MYO3B: variants seen among roughly 807,000 people sequenced by gnomAD.
The protein encoded by MYO3B is myosin-IIIb.
MYO3B carries 156 observed loss-of-function variants against 174.6 expected under a neutral mutation model. The ratio of observed to expected loss-of-function variants is 0.89; its 90% CI spans 0.78 to 1.02. MYO3B has a LOEUF of 1.02. Among genes scored for constraint, MYO3B ranks in the 50% least tolerant of loss-of-function variants. MYO3B has a pLI of 0.00. For missense variants in MYO3B, 1,632 were observed against 1,639.4 expected, an observed-to-expected ratio of 1.00 and a Z score of 0.08; for synonymous variants, 563 against 569.1, an observed-to-expected ratio of 0.99 and a Z score of 0.15.
At chr2:170,366,793 G>A (rs1350672684) in intron 8 of MYO3B, among the ~76,000 whole-genome samples, 1 of 152,122 alleles carries the variant, frequency 6.6e-6, no homozygotes, top group African/African-American at 2.4e-5. Flanking sequence ...CGACCGTGTT[G>A]GAAGCCTTGC....
intron 32 of MYO3B, among the ~76,000 whole-genome samples, chr2:170,549,089 A>C (rs1690718315): frequency 6.6e-6 from 1 of 152,176 alleles, no homozygotes; most frequent in Admixed American, 6.6e-5. Flanking sequence ...TGTATGTAGT[A>C]CCTATATTAG....
At chr2:170,460,315 C>T (rs1684200747) in intron 23 of MYO3B, among the ~76,000 whole-genome samples, 1 of 151,956 alleles carries the variant, frequency 6.6e-6, no homozygotes, top group Non-Finnish European at 1.5e-5. Context: ...TGGTGAAACC[C>T]TGTCTCTACT....
intron 32 of MYO3B, among the ~76,000 whole-genome samples, chr2:170,628,376 G>A (rs1696646685): frequency 6.6e-6 from 1 of 152,226 alleles, no homozygotes; most frequent in African/African-American, 2.4e-5. Context: ...CTGGTGTGCT[G>A]TTTGCTAAGA....
chr2:170,439,360 A>G (rs981283356), intron 22 of MYO3B, among the ~76,000 whole-genome samples: 1 of 151,738 alleles, frequency 6.6e-6, no homozygotes, highest in Non-Finnish European at 1.5e-5. Flanking sequence ...TGACAAAGAA[A>G]GACTCCATCT....
chr2:170,567,015 C>A (rs75540849), intron 32 of MYO3B, among the ~76,000 whole-genome samples: 2,168 of 152,164 alleles, frequency 0.014, 56 homozygotes, highest in East Asian at 0.088. Flanking sequence ...GTATTTTAAA[C>A]TGAGACACTT....
chr2:170,599,136 A>G (rs906805337), intron 32 of MYO3B, among the ~76,000 whole-genome samples: 1 of 151,838 alleles, frequency 6.6e-6, no homozygotes, highest in Non-Finnish European at 1.5e-5. Context: ...TCTTCATTTC[A>G]CCCTACAAGA....
intron 32 of MYO3B, among the ~76,000 whole-genome samples, chr2:170,650,560 G>A (rs1698923043): frequency 6.6e-6 from 1 of 151,192 alleles, no homozygotes; most frequent in Non-Finnish European, 1.5e-5. Flanking sequence ...AGGTGTGTGT[G>A]TCTGTGTGTG....
chr2:170,238,763 T>G (rs1246543516), intron 7 of MYO3B, among the ~76,000 whole-genome samples: 1 of 152,186 alleles, frequency 6.6e-6, no homozygotes, highest in East Asian at 1.9e-4. Flanking sequence ...ATAAAACAGG[T>G]AATTAGGAAG....
intron 23 of MYO3B, among the ~76,000 whole-genome samples, chr2:170,452,660 T>C (rs191446541): frequency 1.1e-3 from 175 of 152,284 alleles, no homozygotes; most frequent in African/African-American, 4.2e-3. Context: ...CCCAGTGAAA[T>C]TAATAAGTTT....
intron 32 of MYO3B, among the ~76,000 whole-genome samples, chr2:170,635,841 A>G (rs899192459): frequency 1.3e-5 from 2 of 152,204 alleles, no homozygotes; most frequent in Non-Finnish European, 2.9e-5. Flanking sequence ...GAATTTAATC[A>G]ATAATGTAAA....
At chr2:170,498,748 G>A in intron 26 of MYO3B, 45 bp downstream of exon 26, 5 of 1,315,240 alleles carry the variant, frequency 3.8e-6, no homozygotes, top group Non-Finnish European at 5.5e-6. Flanking sequence ...TGATTTCTTT[G>A]TCTCTTGTCA....
intron 9 of MYO3B, among the ~76,000 whole-genome samples, chr2:170,370,838 T>A (rs2094237058): frequency 6.6e-6 from 1 of 152,194 alleles, no homozygotes; most frequent in Admixed American, 6.5e-5. Flanking sequence ...TTTGCCAAGC[T>A]ATCTGGATTT....
intron 32 of MYO3B, among the ~76,000 whole-genome samples, chr2:170,598,222 C>T (rs1287471874): frequency 6.6e-6 from 1 of 152,160 alleles, no homozygotes; most frequent in East Asian, 1.9e-4. Flanking sequence ...TGCTCCTGGA[C>T]CAGGTCTTTT....
intron 1 of MYO3B, among the ~76,000 whole-genome samples, chr2:170,182,276 C>G (rs1220448860): frequency 6.6e-6 from 1 of 151,956 alleles, no homozygotes; most frequent in Non-Finnish European, 1.5e-5. Flanking sequence ...TTTGAGCCAC[C>G]ATACTCTATT....
At chr2:170,256,398 C>T (rs1321126117) in intron 7 of MYO3B, among the ~76,000 whole-genome samples, 1 of 152,042 alleles carries the variant, frequency 6.6e-6, no homozygotes, top group Admixed American at 6.5e-5. Context: ...AGAATCAGAC[C>T]ACTTACAAAG....
Position 170,654,247 on chromosome 2 carries a change from C to T in MYO3B, c.*1126C>T, listed in dbSNP as rs1233685403. ...ACTTTATATAAAACATGACAAATTGCAGTGTGATGTAATCAAAAACAAAGA... is the reference window on the plus strand; with the variant it reads ...ACTTTATATAAAACATGACAAATTGTAGTGTGATGTAATCAAAAACAAAGA... On this transcript the variant is annotated 3_prime_UTR_variant, in exon 35 of 35. Transcript: ENST00000408978. The T allele has an allele frequency of 1.3e-5, 2 of 152,014 alleles. No homozygotes were observed. The highest frequency in any genetic ancestry group is 2.9e-5 in the Non-Finnish European group (2 of 68,004). The allele number at this position is 152,014 out of a possible 1,614,324, so 9.4% of individuals were successfully genotyped here.
At chr2:170,467,529 C>CA (rs35442923) in intron 25 of MYO3B, among the ~76,000 whole-genome samples, 167 of 148,832 alleles carry the variant, frequency 1.1e-3, no homozygotes, top group Middle Eastern at 3.4e-3. Context: ...AAAACAGTAA[C>CA]AAAAAAAAAA....
intron 32 of MYO3B, among the ~76,000 whole-genome samples, chr2:170,582,832 A>G (rs1336238507): frequency 1.3e-5 from 2 of 151,558 alleles, no homozygotes; most frequent in Non-Finnish European, 2.9e-5. Flanking sequence ...GAGAGAAACA[A>G]TGGGATTTTC....
intron 3 of MYO3B, among the ~76,000 whole-genome samples, chr2:170,210,982 G>A (rs2092763917): frequency 6.6e-6 from 1 of 152,126 alleles, no homozygotes; most frequent in Non-Finnish European, 1.5e-5. Flanking sequence ...TTGGCCTCTG[G>A]GTGGGGCCCT....
Sources: allele counts gnomAD v4.1 joint callset (sites outside exome capture counted in the v4.1 genomes callset), GRCh38; gene constraint gnomAD v4.1.1; transcripts MANE v1.5; gene names NCBI Gene and HGNC (gene_info 2026-07-23, HGNC 2026-07-21).